NADSYN1: variants seen among roughly 807,000 people sequenced by gnomAD.
The protein encoded by NADSYN1 is glutamine-dependent NAD(+) synthetase.
Under a neutral mutation model 99.3 loss-of-function variants are expected in NADSYN1, and 80 were observed. The observed-to-expected ratio is 0.81, with a 90% CI of 0.67 to 0.97. The LOEUF (loss-of-function observed/expected upper bound fraction) is 0.97. NADSYN1 is among the 50% of genes least tolerant of loss of function. The pLI is 0.00. For synonymous variants in NADSYN1, 385 were observed against 372.1 expected, an observed-to-expected ratio of 1.03 and a Z score of -0.40; for missense variants, 859 against 948.5, an observed-to-expected ratio of 0.91 and a Z score of 1.24.
Position 71,474,440 on chromosome 11 carries a change from G to A in NADSYN1, c.712G>A (p.Asp238Asn), listed in dbSNP as rs1452678980. ...GGCCAACCAGAAGGGTTGTGACGGG[G>A]ACCGCCTGTACTACGACGGCTGTGC... The part of the protein sequence containing the change: ...LLANQKGCDG[D>N]RLYYDGCAMI... Residue 238 changes from aspartate (D) to asparagine (N), a missense_variant, in exon 9 of 21, where the codon GAC becomes AAC. Asp to Asn is a conservative substitution (Grantham distance 23). Transcript: ENST00000319023. 6.2e-7 allele frequency: 1 copy of A among 1,614,216 alleles called. No homozygotes were observed. Among genetic ancestry groups the A allele is most frequent in the East Asian group, 2.2e-5 (1 of 44,870 alleles).
intron 5 of NADSYN1, among the ~76,000 whole-genome samples, chr11:71,468,507 A>G (rs1470552020): frequency 1.3e-5 from 2 of 152,224 alleles, no homozygotes; most frequent in African/African-American, 2.4e-5. Context: ...TATAGAACAT[A>G]TGATTGTCAA....
intron 2 of NADSYN1, chr11:71,455,596 C>G (rs1949508231): frequency 5.9e-6 from 1 of 169,160 alleles, no homozygotes; most frequent in Non-Finnish European, 1.3e-5. Context: ...GATTAGTGCT[C>G]TTACAAGAGA....
chr11:71,463,512 G>T (rs771691598), intron 4 of NADSYN1, 27 bp downstream of exon 4: 1 of 1,603,264 alleles, frequency 6.2e-7, no homozygotes, highest in South Asian at 1.1e-5. Context: ...CACCCCGGGA[G>T]GGTGACTGGG....
chr11:71,463,342 T>G, intron 3 of NADSYN1, 90 bp from the exon 4 acceptor site: 1 of 1,170,966 alleles, frequency 8.5e-7, no homozygotes. Context: ...TAAAGTAAAA[T>G]GCATGATTCC....
chr11:71,490,592 T>A (rs1328321191), intron 16 of NADSYN1, among the ~76,000 whole-genome samples: 3 of 152,178 alleles, frequency 2.0e-5, no homozygotes, highest in Non-Finnish European at 4.4e-5. Context: ...AGACGACTGC[T>A]CCCAGCTCCG....
At chr11:71,478,121 C>T (rs972646661) in intron 9 of NADSYN1, among the ~76,000 whole-genome samples, 16 of 149,954 alleles carry the variant, frequency 1.1e-4, no homozygotes, top group African/African-American at 1.0e-4. Context: ...GTCTTACTGA[C>T]GGGGTGTGTC....
At chr11:71,484,692 AG>A in intron 15 of NADSYN1, 1 of 527,484 alleles carries the variant, frequency 1.9e-6, no homozygotes, top group East Asian at 3.4e-5. Flanking sequence ...GTGATGTGTA[AG>A]AGCAAGAGCG....
intron 5 of NADSYN1, among the ~76,000 whole-genome samples, chr11:71,467,598 CAAGT>C (rs995000036): frequency 2.0e-5 from 3 of 152,120 alleles, no homozygotes; most frequent in African/African-American, 4.8e-5. Context: ...GAATGAATAA[CAAGT>C]AAGTTAAACA....
chr11:71,491,411 A>AG, intron 17 of NADSYN1, among the ~76,000 whole-genome samples: 1 of 148,816 alleles, frequency 6.7e-6, no homozygotes. Flanking sequence ...TGTGCCCCCC[A>AG]GGGGACATCA....
chr11:71,458,572 C>T (rs2120395926), intron 3 of NADSYN1, 28 bp downstream of exon 3: 1 of 1,528,792 alleles, frequency 6.5e-7, no homozygotes. Context: ...TGTGGAAGGG[C>T]AAACCTGGGA....
chr11:71,463,336 G>T, intron 3 of NADSYN1, 96 bp from the exon 4 acceptor site: 1 of 1,134,304 alleles, frequency 8.8e-7, no homozygotes, highest in Non-Finnish European at 1.3e-6. Context: ...TCGTAGTAAA[G>T]TAAAATGCAT....
At chr11:71,482,183 A>C (rs973776957) in intron 13 of NADSYN1, among the ~76,000 whole-genome samples, 158 bp downstream of exon 13, 7 of 152,186 alleles carry the variant, frequency 4.6e-5, no homozygotes, top group African/African-American at 1.7e-4. Context: ...ATCACATCCC[A>C]GTCCTGCAGC....
intron 9 of NADSYN1, chr11:71,477,131 G>C: frequency 1.8e-6 from 2 of 1,125,648 alleles, no homozygotes; most frequent in Non-Finnish European, 2.2e-6. Context: ...CAGACCTGCC[G>C]ATCACCCCCG....
rs1565606054 is a variant in NADSYN1 at position 71,489,081 on chromosome 11, A to C, written c.1563-1764A>C. 2.6e-5 allele frequency among the ~76,000 whole-genome samples: 4 copies of C among 152,148 alleles called. No homozygotes were observed. The South Asian group carries it at 8.3e-4, about 32-fold the overall frequency. On this transcript the variant is annotated intron_variant, in intron 16 of 20. Transcript: ENST00000319023. ...AGAGCAGGAGGGGAGGGGAGAGTGA[A>C]GCCAGCCCTGCAGGGTTAAGTTGGG...
chr11:71,455,012 T>G (rs1383643666), intron 1 of NADSYN1, 98 bp from the exon 2 acceptor site: 18 of 836,564 alleles, frequency 2.2e-5, no homozygotes, highest in Middle Eastern at 2.3e-4. Context: ...TTGTTTGTTT[T>G]TTTTTTTATC....
intron 16 of NADSYN1, among the ~76,000 whole-genome samples, chr11:71,488,195 CG>C (rs760080768): frequency 7.2e-5 from 11 of 152,196 alleles, no homozygotes; most frequent in Non-Finnish European, 1.6e-4. Context: ...GCTTTCTTCC[CG>C]GTGGTGTGAA....
chr11:71,485,675 G>T (rs1462407887), intron 16 of NADSYN1, 27 bp downstream of exon 16: 2 of 1,509,664 alleles, frequency 1.3e-6, no homozygotes, highest in East Asian at 2.5e-5. Context: ...GGCACGTGGT[G>T]GTGGGCCCCT....
intron 5 of NADSYN1, among the ~76,000 whole-genome samples, chr11:71,472,229 C>T (rs866863829): frequency 5.9e-5 from 9 of 152,306 alleles, no homozygotes; most frequent in South Asian, 2.1e-4. Flanking sequence ...GCTCGGAGAG[C>T]CCAGCCCACC....
At chr11:71,478,601 CGAGCG>C in intron 10 of NADSYN1, 132 bp downstream of exon 10, 3 of 803,012 alleles carry the variant, frequency 3.7e-6, no homozygotes, top group Non-Finnish European at 6.2e-6. Context: ...CCGGACTTCC[CGAGCG>C]TGGAAAGGGG....
Sources: allele counts gnomAD v4.1 joint callset (sites outside exome capture counted in the v4.1 genomes callset), GRCh38; gene constraint gnomAD v4.1.1; transcripts MANE v1.5; gene names NCBI Gene and HGNC (gene_info 2026-07-23, HGNC 2026-07-21).